Variants in NECAB2 observed in about 807,000 individuals in gnomAD.
The protein encoded by NECAB2 is N-terminal EF-hand calcium binding protein 2, also known as N-terminal EF-hand calcium-binding protein 2.
A neutral mutation model predicts 51.9 loss-of-function variants in NECAB2; 68 were observed. That is an observed-to-expected ratio of 1.31 (90% CI 1.08 to 1.60). The LOEUF (loss-of-function observed/expected upper bound fraction) is 1.60, where lower values mean the gene tolerates loss of function less well. NECAB2 is among the 40% of genes most tolerant of loss of function. NECAB2 has a pLI of 0.00. For missense variants in NECAB2, 854 were observed against 490.3 expected (o/e 1.74, Z -7.00); for synonymous variants, 329 against 203.5 (o/e 1.62, Z -5.25).
chr16:83,980,905 G>A, intron 4 of NECAB2, 41 bp downstream of exon 4: 6 of 1,613,284 alleles, frequency 3.7e-6, no homozygotes, highest in Non-Finnish European at 5.1e-6. Context: ...GGGGATGCTG[G>A]GATGGGGCTG....
At chr16:83,999,455 T>C (rs552586830) in intron 10 of NECAB2, among the ~76,000 whole-genome samples, 9 of 152,136 alleles carry the variant, frequency 5.9e-5, no homozygotes, top group Non-Finnish European at 1.2e-4. Context: ...ACGGCAAGCC[T>C]GGAGAGCCAG....
At chr16:83,997,478 CCTTTTTTTTTT>C (rs2084727182) in intron 9 of NECAB2, among the ~76,000 whole-genome samples, 1 of 105,118 alleles carries the variant, frequency 9.5e-6, no homozygotes, top group East Asian at 2.5e-4. Flanking sequence ...GCTCCCTGGA[CCTTTTTTTTTT>C]TTTTTTTTTT....
chr16:84,002,258 C>G (rs1597236122), intron 12 of NECAB2, 60 bp from the exon 13 acceptor site: 32 of 1,586,814 alleles, frequency 2.0e-5, no homozygotes, highest in African/African-American at 2.7e-5. Context: ...ACGACCACCA[C>G]CAGCTACGAG....
In NECAB2 at chr16:83,990,630, G is replaced by A. The variant is rs146592610; in HGVS notation, c.596G>A (p.Arg199Gln). The change falls in exon 6 of 13, where the codon CGA becomes CAA. Residue 199 changes from arginine (R) to glutamine (Q), a missense_variant and splice_region_variant. By Grantham distance (43) the Arg-to-Gln change is conservative. Coordinates refer to ENST00000305202, the MANE Select transcript of NECAB2 (RefSeq NM_019065.3). ...EAIEEQTSQLRQNHIKPSHSA... is the reference protein window; with the variant it reads ...EAIEEQTSQLQQNHIKPSHSA... ...ATCGAGGAACAGACCAGCCAGCTCC[G>A]GTGAGTCTCTGAGACCCTGCAGGGT... 2.7e-5 allele frequency: 43 copies of A among 1,613,894 alleles called. No individual in the cohort carries two copies. In the East Asian group the frequency reaches 3.3e-4, roughly 13 times the overall value.
At chr16:83,996,281 C>T (rs575321454) in intron 8 of NECAB2, among the ~76,000 whole-genome samples, 2 of 152,218 alleles carry the variant, frequency 1.3e-5, no homozygotes, top group Non-Finnish European at 2.9e-5. Context: ...CCAGGCACAC[C>T]TTCACCACTT....
At chr16:83,996,755 C>T (rs1294221274) in intron 8 of NECAB2, among the ~76,000 whole-genome samples, 31 of 152,126 alleles carry the variant, frequency 2.0e-4, no homozygotes, top group Non-Finnish European at 1.5e-5. Context: ...AGATGTGGTT[C>T]CTGGAGACCG....
chr16:83,976,464 T>G, intron 2 of NECAB2, among the ~76,000 whole-genome samples: 1 of 152,160 alleles, frequency 6.6e-6, no homozygotes, highest in East Asian at 1.9e-4. Flanking sequence ...GACTCCACAC[T>G]GGGATTCCTG....
chr16:83,999,774 T>G (rs940664399), intron 10 of NECAB2, among the ~76,000 whole-genome samples: 2 of 152,104 alleles, frequency 1.3e-5, no homozygotes, highest in African/African-American at 4.8e-5. Flanking sequence ...CCCCTCAGCC[T>G]CCTTTGGTCA....
At chr16:83,984,121 G>T (rs960641672) in intron 5 of NECAB2, among the ~76,000 whole-genome samples, 1 of 148,978 alleles carries the variant, frequency 6.7e-6, no homozygotes, top group African/African-American at 2.5e-5. Flanking sequence ...TCAGCCTCCC[G>T]AGTAGCTGGG....
At chr16:84,001,178 C>CCT (rs1365913125) in intron 11 of NECAB2, among the ~76,000 whole-genome samples, 2 of 152,148 alleles carry the variant, frequency 1.3e-5, no homozygotes, top group African/African-American at 4.8e-5. Flanking sequence ...CAGCGACTAA[C>CCT]CTCCCCTCCA....
rs1164953258 is a variant in NECAB2, at chr16:83,980,819, G to C, written c.336-20G>C. 1.9e-6 allele frequency: 3 copies of C among 1,568,504 alleles called. No individual in the cohort carries two copies. Among genetic ancestry groups the C allele is most frequent in the Admixed American group, 3.8e-5 (2 of 52,236 alleles). On this transcript the variant is annotated intron_variant, in intron 3 of 12. Coordinates refer to ENST00000305202, the MANE Select transcript of NECAB2 (RefSeq NM_019065.3). ...CCCCTCTCTGTCTCTGTCTGTCTCT[G>C]CCTCTGTCTGTCTCTGCAGCCATGT...
At chr16:83,997,335 A>C in intron 9 of NECAB2, 66 bp downstream of exon 9, 1 of 1,602,644 alleles carries the variant, frequency 6.2e-7, no homozygotes, top group East Asian at 2.2e-5. Context: ...GCCAAGATCC[A>C]AGTGGCTCAA....
intron 8 of NECAB2, among the ~76,000 whole-genome samples, 169 bp downstream of exon 8, chr16:83,994,857 A>C (rs1428150424): frequency 6.6e-6 from 1 of 152,100 alleles, no homozygotes; most frequent in Non-Finnish European, 1.5e-5. Context: ...TAAGGATCAA[A>C]CCCCGGGGGA....
At chr16:83,990,471 T>C (rs996764304) in intron 5 of NECAB2, 23 bp from the exon 6 acceptor site, 2 of 1,613,202 alleles carry the variant, frequency 1.2e-6, no homozygotes, top group African/African-American at 2.7e-5. Context: ...TTCCCCTCAG[T>C]GCCTCTTCTC....
chr16:83,997,415 G>A (rs1308623171), intron 9 of NECAB2, 146 bp downstream of exon 9: 1 of 853,918 alleles, frequency 1.2e-6, no homozygotes, highest in African/African-American at 1.8e-5. Flanking sequence ...TTGGCACCCA[G>A]ACCCTGCCCT....
chr16:83,983,207 A>C (rs889682260), intron 5 of NECAB2, among the ~76,000 whole-genome samples: 3 of 152,126 alleles, frequency 2.0e-5, no homozygotes, highest in Non-Finnish European at 2.9e-5. Context: ...TGTTTGTAGA[A>C]ATGCAGCTTG....
chr16:83,974,458 T>C (rs2084383009), intron 2 of NECAB2, among the ~76,000 whole-genome samples: 1 of 152,162 alleles, frequency 6.6e-6, no homozygotes, highest in Non-Finnish European at 1.5e-5. Flanking sequence ...CAGGTGTGGC[T>C]TGTCCAGAGG....
chr16:83,983,987 T>C (rs901972341), intron 5 of NECAB2, among the ~76,000 whole-genome samples: 2 of 148,218 alleles, frequency 1.3e-5, no homozygotes. Flanking sequence ...TACATATATA[T>C]ATATGGTGGT....
chr16:83,992,105 G>C (rs916858472), intron 6 of NECAB2, among the ~76,000 whole-genome samples: 3 of 148,090 alleles, frequency 2.0e-5, no homozygotes, highest in Non-Finnish European at 4.4e-5. Flanking sequence ...CCACCTCTCT[G>C]TTAAAAAGAG....
Sources: allele counts gnomAD v4.1 joint callset (sites outside exome capture counted in the v4.1 genomes callset), GRCh38; gene constraint gnomAD v4.1.1; transcripts MANE v1.5; gene names NCBI Gene and HGNC (gene_info 2026-07-23, HGNC 2026-07-21).